STX18: variants seen among roughly 807,000 people sequenced by gnomAD.
The protein encoded by STX18 is syntaxin 18, also known as syntaxin-18.
Under a neutral mutation model 50.1 loss-of-function variants are expected in STX18, and 40 were observed. The ratio of observed to expected loss-of-function variants is 0.80; its 90% CI spans 0.62 to 1.04. STX18 has a LOEUF of 1.04. Among genes scored for constraint, STX18 ranks in the 50% least tolerant of loss-of-function variants. The probability of loss-of-function intolerance (pLI) is 0.00; values close to 1 mark genes in which losing one functional copy is unlikely to be tolerated. For synonymous variants in STX18, 158 were observed against 151.8 expected, an observed-to-expected ratio of 1.04 and a Z score of -0.30; for missense variants, 410 against 415.8, an observed-to-expected ratio of 0.99 and a Z score of 0.12.
intron 2 of STX18, chr4:4,461,973 T>A (rs555954056): frequency 2.1e-4 from 95 of 456,334 alleles, no homozygotes; most frequent in South Asian, 1.4e-3. Flanking sequence ...GTCCCTGCTG[T>A]CTGTGCTCCA....
intron 6 of STX18, among the ~76,000 whole-genome samples, chr4:4,436,555 T>C (rs1160062867): frequency 6.6e-6 from 1 of 152,208 alleles, no homozygotes; most frequent in Non-Finnish European, 1.5e-5. Flanking sequence ...ATAAATTAAC[T>C]CTGAGCTAGA....
At position 4,420,813 on chromosome 4, in the gene STX18, G is replaced by A. The variant is rs748338897; in HGVS notation, c.912+51C>T. 6.6e-7 allele frequency: 1 copy of A among 1,522,542 alleles called. No individual in the cohort carries two copies. The highest frequency in any genetic ancestry group is 9.1e-7 in the Non-Finnish European group (1 of 1,097,568). The allele number at this position is 1,522,542 out of a possible 1,614,324, so 94.3% of individuals were successfully genotyped here. On this transcript the variant is annotated intron_variant, in intron 10 of 10. Coordinates refer to ENST00000306200, the MANE Select transcript of STX18 (RefSeq NM_016930.4). This position sits in a 1 kb window ranked among gnomAD's most constrained non-coding sequence, Gnocchi z 4.3. The stretch of plus-strand genomic sequence containing the variant: ...GCCGGCGAGACTAACACCCGCTGCT[G>A]GGACTCAGTGCTGCGCCACGTCGCA...
chr4:4,486,486 A>C (rs978687379), intron 1 of STX18, among the ~76,000 whole-genome samples: 1 of 152,236 alleles, frequency 6.6e-6, no homozygotes, highest in Non-Finnish European at 1.5e-5. Context: ...GATCACCGCA[A>C]ACACTATTAT....
intron 1 of STX18, among the ~76,000 whole-genome samples, chr4:4,481,183 G>C (rs1330432988): frequency 8.5e-5 from 13 of 152,318 alleles, no homozygotes; most frequent in Admixed American, 8.5e-4. Context: ...TTCTCAAAGA[G>C]CGACCGCATT....
In STX18 at chr4:4,448,337, GT is replaced by G. The variant is rs1726542279; in HGVS notation, c.497+8853del. Among the ~76,000 whole-genome samples, 3 of 146,066 alleles carry G rather than the reference GT, an allele frequency of 2.1e-5. No homozygotes were observed. In the South Asian group the frequency reaches 6.4e-4, roughly 31 times the overall value. ...TTATTTTTAGTGTGGCCTTGGATGG[GT>G]TTTATTTTATGCTTTTTTTTTTTGA... On this transcript the variant is annotated intron_variant, in intron 5 of 10. Transcript: ENST00000306200.
At chr4:4,422,280 C>CA (rs1227160609) in intron 9 of STX18, among the ~76,000 whole-genome samples, 2 of 152,010 alleles carry the variant, frequency 1.3e-5, no homozygotes, top group African/African-American at 4.8e-5. Context: ...TAGGAACTCC[C>CA]AGTGGGCCGG....
chr4:4,464,886 T>C (rs996460831), intron 2 of STX18, among the ~76,000 whole-genome samples: 3 of 152,188 alleles, frequency 2.0e-5, no homozygotes, highest in African/African-American at 7.2e-5. Flanking sequence ...CCTGGATTCA[T>C]TGATTTTTTC....
intron 1 of STX18, among the ~76,000 whole-genome samples, chr4:4,536,865 G>A (rs1317075939): frequency 6.6e-6 from 1 of 152,196 alleles, no homozygotes; most frequent in African/African-American, 2.4e-5. Context: ...CAGCAATTCA[G>A]GATCATTATT....
Position 4,500,292 on chromosome 4 carries a change from C to G in STX18, c.169-28586G>C, listed in dbSNP as rs910005957. ...ACTTGACCCTGTGTATCCATGGGTT[C>G]CACACCCACATCCGTGGATTCAACC... On this transcript the variant is annotated intron_variant, in intron 1 of 10. Transcript: ENST00000306200. Among the ~76,000 whole-genome samples the G allele has an allele frequency of 3.3e-5, 5 of 152,136 alleles. No individual in the cohort carries two copies. The South Asian group carries it at 1.0e-3, about 32-fold the overall frequency.
intron 1 of STX18, among the ~76,000 whole-genome samples, chr4:4,489,176 G>A (rs1018104527): frequency 3.3e-5 from 5 of 152,054 alleles, no homozygotes; most frequent in African/African-American, 1.2e-4. Flanking sequence ...TTTCAACTAA[G>A]TGAATGGGAA....
In STX18 at chr4:4,461,773, C is replaced by T. The variant is rs77133803; in HGVS notation, c.237-2286G>A. 1.6e-3 allele frequency: 683 copies of T among 437,644 alleles called. 5 individuals carry two copies. Among genetic ancestry groups the T allele is most frequent in the African/African-American group, 0.013 (626 of 49,978 alleles). 27.1% of individuals were successfully genotyped at this position (437,644 alleles called of 1,614,324 possible). A position where few individuals can be genotyped will look rare whatever the true frequency, so the allele number is the denominator to read the frequency against. ...GGGGGAATGCTTATTCCCTAATCCT[C>T]ATGTTTCTGTGGGAACCAACTTCCC... On this transcript the variant is annotated intron_variant, in intron 2 of 10. Transcript: ENST00000306200.
At chr4:4,476,035 G>A (rs1414262036) in intron 1 of STX18, 1 of 152,228 alleles carries the variant, frequency 6.6e-6, no homozygotes, top group African/African-American at 2.4e-5. Flanking sequence ...CTTGAGGTGT[G>A]TTCAGAAGGT....
intron 2 of STX18, among the ~76,000 whole-genome samples, chr4:4,459,768 A>G (rs2108819610): frequency 6.6e-6 from 1 of 152,340 alleles, no homozygotes; most frequent in South Asian, 2.1e-4. Flanking sequence ...TCAGGGCTAC[A>G]GCATAAGCCA....
chr4:4,490,979 T>C (rs1390655494), intron 1 of STX18, among the ~76,000 whole-genome samples: 1 of 152,150 alleles, frequency 6.6e-6, no homozygotes, highest in African/African-American at 2.4e-5. Context: ...ACAAAAACTG[T>C]GGGAAATGTT....
Position 4,420,097 on chromosome 4 carries a change from C to A in STX18, c.945G>T (p.Trp315Cys). 1 of 1,613,358 alleles carries A rather than the reference C, an allele frequency of 6.2e-7. No homozygotes were observed. The highest frequency in any genetic ancestry group is 8.5e-7 in the Non-Finnish European group (1 of 1,179,688). ...AGCACATCACGAGGAAGAAGAGGAT[C>A]CACACGCGGAAGCCAGCGTTGTTTT... The part of the protein sequence containing the change: ...AIKNNAGFRV[W>C]ILFFLVMCSF... Residue 315 changes from tryptophan (W) to cysteine (C), a missense_variant, in exon 11 of 11, where the codon TGG becomes TGT. Physicochemically the swap from Trp to Cys is radical, Grantham distance 215 (BLOSUM62 -2). Coordinates refer to ENST00000306200, the MANE Select transcript of STX18 (RefSeq NM_016930.4). The surrounding 1 kb of genome is among the most constrained non-coding windows in gnomAD (Gnocchi z 4.3).
rs78340548 is a variant in STX18 at position 4,529,764 on chromosome 4, G to C, written c.168+12033C>G. On this transcript the variant is annotated intron_variant, in intron 1 of 10. Transcript: ENST00000306200. ...CTTCATGAATAAAGGAGCCTAACTT[G>C]AAAGGATAGTCAAATAAATTATAAA... Among the ~76,000 whole-genome samples the C allele has an allele frequency of 8.3e-3, 1,264 of 152,348 alleles. 11 individuals carry two copies. Among genetic ancestry groups the C allele is most frequent in the Non-Finnish European group, 0.013 (911 of 68,042 alleles).
At chr4:4,460,412 T>C (rs1727319815) in intron 2 of STX18, among the ~76,000 whole-genome samples, 1 of 151,094 alleles carries the variant, frequency 6.6e-6, no homozygotes, top group African/African-American at 2.4e-5. Flanking sequence ...CCAAGACAGG[T>C]AGGCATCCCC....
At chr4:4,500,757 C>A (rs1729412360) in intron 1 of STX18, among the ~76,000 whole-genome samples, 1 of 152,148 alleles carries the variant, frequency 6.6e-6, no homozygotes, top group South Asian at 2.1e-4. Context: ...ATAATTTGGC[C>A]AGGCACGGTG....
intron 1 of STX18, among the ~76,000 whole-genome samples, chr4:4,472,678 T>C (rs1193047345): frequency 6.6e-6 from 1 of 152,234 alleles, no homozygotes; most frequent in Admixed American, 6.5e-5. Flanking sequence ...AACTTTTATA[T>C]ACACACTTCT....
Sources: gnomAD v4.1 joint callset for allele counts (sites outside exome capture counted in the v4.1 genomes callset) on GRCh38, gnomAD v4.1.1 for gene constraint, Gnocchi (gnomAD v3.1) non-coding constraint, MANE v1.5 for transcripts, NCBI Gene and HGNC (gene_info 2026-07-23, HGNC 2026-07-21) for gene names.